The following ENTREP2 variants were observed in gnomAD, a reference collection of about 807,000 sequenced individuals.
The protein encoded by ENTREP2 is endosomal transmembrane epsin interactor 2.
At chr15:29,479,641 T>TCC in the ENTREP2 span, among the ~76,000 whole-genome samples, 1 of 111,866 alleles carries the variant, frequency 8.9e-6, no homozygotes, top group Non-Finnish European at 1.8e-5. Flanking sequence ...TCCCTCCCTC[T>TCC]CTCTCTGTCT....
chr15:29,149,935 G>T, the ENTREP2 span, among the ~76,000 whole-genome samples: 29 of 152,342 alleles, frequency 1.9e-4, no homozygotes, highest in Admixed American at 7.2e-4. Context: ...AAAGTACTCA[G>T]CGAGGAAACA....
chr15:29,154,678 C>A, the ENTREP2 span, among the ~76,000 whole-genome samples: 1 of 152,196 alleles, frequency 6.6e-6, no homozygotes, highest in Non-Finnish European at 1.5e-5. Flanking sequence ...ATGCTCTGTG[C>A]GTGTGCTAGG....
the ENTREP2 span, among the ~76,000 whole-genome samples, chr15:29,231,919 C>A: frequency 8.3e-6 from 1 of 120,974 alleles, no homozygotes; most frequent in African/African-American, 2.9e-5. Flanking sequence ...GAGACGGAGT[C>A]TCACTCTGCT....
chr15:29,349,623 C>T, the ENTREP2 span, among the ~76,000 whole-genome samples: 8 of 152,164 alleles, frequency 5.3e-5, no homozygotes, highest in Admixed American at 1.3e-4. Context: ...GGGGAGAAGA[C>T]AGCACACTAA....
At chr15:29,279,554 G>A in the ENTREP2 span, among the ~76,000 whole-genome samples, 12 of 151,930 alleles carry the variant, frequency 7.9e-5, no homozygotes, top group Non-Finnish European at 1.2e-4. Context: ...TAGTAGAGAC[G>A]GGGTTTCACC....
chr15:29,355,831 G>C, the ENTREP2 span, among the ~76,000 whole-genome samples: 23 of 152,178 alleles, frequency 1.5e-4, no homozygotes, highest in Admixed American at 7.2e-4. Flanking sequence ...CAGATAGTAA[G>C]CAAATGATGG....
chr15:29,650,134 G>T, the ENTREP2 span, among the ~76,000 whole-genome samples: 1 of 152,012 alleles, frequency 6.6e-6, no homozygotes, highest in Non-Finnish European at 1.5e-5. Flanking sequence ...TTCTCTGGAG[G>T]TGAGCTCTTC....
At chr15:29,602,785 C>T in the ENTREP2 span, among the ~76,000 whole-genome samples, 1 of 152,158 alleles carries the variant, frequency 6.6e-6, no homozygotes, top group East Asian at 1.9e-4. Flanking sequence ...CAAAGCCATT[C>T]TGACAGAGAA....
chr15:29,328,572 C>T, the ENTREP2 span, among the ~76,000 whole-genome samples: 1 of 152,180 alleles, frequency 6.6e-6, no homozygotes, highest in Admixed American at 6.5e-5. Context: ...GTCTGTAATA[C>T]TAAAGGCCAA....
chr15:29,268,900 T>A, the ENTREP2 span: 1 of 1,614,204 alleles, frequency 6.2e-7, no homozygotes, highest in African/African-American at 1.3e-5. Flanking sequence ...ATTATGGACC[T>A]TGGCCACAAA....
At chr15:29,122,343 T>C in the ENTREP2 span, 133,744 of 152,150 alleles carry the variant, frequency 0.88, 58,936 homozygotes, top group Middle Eastern at 0.95. Flanking sequence ...TCCCTTCTCG[T>C]GTGGGTTTGT....
At chr15:29,144,876 C>T in the ENTREP2 span, among the ~76,000 whole-genome samples, 2 of 151,514 alleles carry the variant, frequency 1.3e-5, no homozygotes, top group African/African-American at 2.4e-5. Context: ...CCCATCTCTA[C>T]TAAAAATAAA....
the ENTREP2 span, among the ~76,000 whole-genome samples, chr15:29,423,809 G>T: frequency 6.7e-6 from 1 of 148,410 alleles, no homozygotes; most frequent in Non-Finnish European, 1.5e-5. Context: ...AAAAAAATTT[G>T]ATTTTTTTCT....
At chr15:29,620,093 A>T in the ENTREP2 span, among the ~76,000 whole-genome samples, 8 of 152,054 alleles carry the variant, frequency 5.3e-5, no homozygotes, top group African/African-American at 1.7e-4. Flanking sequence ...AACTGGTTAG[A>T]GTTTATGTAC....
At chr15:29,403,895 C>G in the ENTREP2 span, among the ~76,000 whole-genome samples, 1 of 152,220 alleles carries the variant, frequency 6.6e-6, no homozygotes, top group South Asian at 2.1e-4. Context: ...AGCCCTCTGC[C>G]CCAGCCTGGG....
chr15:29,504,299 C>CT, the ENTREP2 span, among the ~76,000 whole-genome samples: 1 of 152,074 alleles, frequency 6.6e-6, no homozygotes, highest in Non-Finnish European at 1.5e-5. Context: ...GAAGGGCACT[C>CT]TATAGAGGAG....
the ENTREP2 span, among the ~76,000 whole-genome samples, chr15:29,448,232 C>T: frequency 6.6e-6 from 1 of 152,164 alleles, no homozygotes; most frequent in African/African-American, 2.4e-5. Flanking sequence ...GACACAAGCC[C>T]TCCTACAACA....
chr15:29,315,097 T>C, the ENTREP2 span, among the ~76,000 whole-genome samples: 72 of 152,306 alleles, frequency 4.7e-4, no homozygotes, highest in Middle Eastern at 3.4e-3. Flanking sequence ...AAAGAGTATT[T>C]TGAATAAATG....
the ENTREP2 span, among the ~76,000 whole-genome samples, chr15:29,447,447 C>T: frequency 2.6e-5 from 4 of 152,184 alleles, no homozygotes; most frequent in East Asian, 3.9e-4. Flanking sequence ...TAGTCCTTCA[C>T]ATCCCATGCA....
Sources: gnomAD v4.1 joint callset for allele counts (sites outside exome capture counted in the v4.1 genomes callset) on GRCh38, gnomAD v4.1.1 for gene constraint, MANE v1.5 for transcripts, NCBI Gene and HGNC (gene_info 2026-07-23, HGNC 2026-07-21) for gene names.